The following IQGAP2 variants were observed in gnomAD, a reference collection of about 807,000 sequenced individuals.
The protein encoded by IQGAP2 is IQ motif containing GTPase activating protein 2.
In IQGAP2, 173 loss-of-function variants were observed where a neutral mutation model predicts 201.3. That is an observed-to-expected ratio of 0.86 (90% CI 0.76 to 0.98). The LOEUF is 0.98. IQGAP2 is among the 50% of genes least tolerant of loss of function. The pLI, the probability that IQGAP2 is intolerant of heterozygous loss-of-function variation, is 0.00. For missense variants in IQGAP2, 1,687 were observed against 1,864.8 expected (o/e 0.90, Z 1.76); for synonymous variants, 675 against 673.9 (o/e 1.00, Z -0.03).
intron 32 of IQGAP2, among the ~76,000 whole-genome samples, chr5:76,696,329 T>A (rs1746742249): frequency 6.6e-6 from 1 of 152,206 alleles, no homozygotes; most frequent in Non-Finnish European, 1.5e-5. Flanking sequence ...TGATCATTTG[T>A]TTTTAAGCAA....
chr5:76,451,349 T>A (rs1175533106), intron 1 of IQGAP2, among the ~76,000 whole-genome samples: 1 of 152,152 alleles, frequency 6.6e-6, no homozygotes, highest in African/African-American at 2.4e-5. Context: ...CTAATTTGGA[T>A]TTCATGTCAC....
chr5:76,463,123 T>TA (rs5868826), intron 2 of IQGAP2, among the ~76,000 whole-genome samples: 42,111 of 105,392 alleles, frequency 0.4, 8,533 homozygotes, highest in Middle Eastern at 0.47. Flanking sequence ...ACGCTGTCTT[T>TA]AAAAAAAAAA....
intron 1 of IQGAP2, among the ~76,000 whole-genome samples, chr5:76,437,399 T>C (rs1488340808): frequency 6.6e-6 from 1 of 152,154 alleles, no homozygotes; most frequent in Admixed American, 6.6e-5. Context: ...AGTTCTGGGA[T>C]ATATGTGTGG....
rs570454198 is a variant in IQGAP2, at chr5:76,541,278, G to C, written c.147-21118G>C. On this transcript the variant is annotated intron_variant, in intron 2 of 35. Coordinates refer to ENST00000274364, the MANE Select transcript of IQGAP2 (RefSeq NM_006633.5). ...GATACCTCATATAAGTGGAATCATAGAATATGTGTCCTTTGGTGCCCATCT... is the reference window on the plus strand; with the variant it reads ...GATACCTCATATAAGTGGAATCATACAATATGTGTCCTTTGGTGCCCATCT... Among the ~76,000 whole-genome samples, 62 of 152,114 alleles carry C rather than the reference G, an allele frequency of 4.1e-4. 1 individual carries two copies. Among genetic ancestry groups the C allele is most frequent in the African/African-American group, 1.5e-3 (62 of 41,468 alleles).
chr5:76,664,112 G>A (rs572657534), intron 21 of IQGAP2, among the ~76,000 whole-genome samples: 36 of 152,254 alleles, frequency 2.4e-4, no homozygotes, highest in African/African-American at 7.7e-4. Flanking sequence ...CTAGCATTAC[G>A]CCTGTCCTAG....
At chr5:76,596,437 A>G (rs1375788003) in intron 9 of IQGAP2, among the ~76,000 whole-genome samples, 1 of 152,230 alleles carries the variant, frequency 6.6e-6, no homozygotes, top group Non-Finnish European at 1.5e-5. Context: ...TACTGTTCCA[A>G]GCATCTCAGT....
chr5:76,688,994 G>A (rs796254004), intron 30 of IQGAP2, among the ~76,000 whole-genome samples: 2 of 152,076 alleles, frequency 1.3e-5, no homozygotes, highest in African/African-American at 2.4e-5. Flanking sequence ...TCGAGGGCAA[G>A]GTCATTGTTC....
At chr5:76,546,620 T>C (rs983035043) in intron 2 of IQGAP2, among the ~76,000 whole-genome samples, 5 of 152,178 alleles carry the variant, frequency 3.3e-5, no homozygotes, top group African/African-American at 1.2e-4. Flanking sequence ...TGTTCCTCTG[T>C]CACGCCTGGC....
In IQGAP2 at chr5:76,618,019, T is replaced by G. The variant is rs143031972; in HGVS notation, c.1521+6836T>G. ...ACAAGATAATATTCCTGCTTCAGTA[T>G]GAAAAATGGCAGCATATATAAGAAA... On this transcript the variant is annotated intron_variant, in intron 13 of 35. Transcript: ENST00000274364. The G allele has an allele frequency of 5.4e-4, 875 of 1,614,150 alleles. 6 individuals carry two copies. The African/African-American group carries it at 0.011, about 19-fold the overall frequency.
chr5:76,613,847 A>C (rs1479167816), intron 13 of IQGAP2, among the ~76,000 whole-genome samples: 1 of 152,134 alleles, frequency 6.6e-6, no homozygotes, highest in Non-Finnish European at 1.5e-5. Context: ...GGCACCTGCC[A>C]TCAAGCCCGG....
At chr5:76,497,222 T>A (rs1757041727) in intron 2 of IQGAP2, among the ~76,000 whole-genome samples, 1 of 152,250 alleles carries the variant, frequency 6.6e-6, no homozygotes, top group Non-Finnish European at 1.5e-5. Context: ...CACTTTGTGC[T>A]GCCTGATATT....
intron 1 of IQGAP2, among the ~76,000 whole-genome samples, chr5:76,433,373 A>G (rs534995897): frequency 2.6e-5 from 4 of 152,122 alleles, no homozygotes; most frequent in African/African-American, 7.2e-5. Flanking sequence ...TGGTGGTGCT[A>G]TGTTCCTCTG....
chr5:76,669,426 A>G (rs546516068), intron 23 of IQGAP2, among the ~76,000 whole-genome samples: 123 of 152,324 alleles, frequency 8.1e-4, no homozygotes, highest in African/African-American at 2.7e-3. Flanking sequence ...CTGTAAGCCC[A>G]CGAGACATGT....
chr5:76,640,308 G>A (rs79333188), intron 16 of IQGAP2, among the ~76,000 whole-genome samples: 2,638 of 151,924 alleles, frequency 0.017, 82 homozygotes, highest in African/African-American at 0.059. Flanking sequence ...ATCTCTCATC[G>A]GGCATAAAAG....
chr5:76,502,904 T>A (rs997135486), intron 2 of IQGAP2, among the ~76,000 whole-genome samples: 10 of 151,048 alleles, frequency 6.6e-5, no homozygotes, highest in Non-Finnish European at 1.2e-4. Flanking sequence ...GCTGGCTATT[T>A]TTTTTTTTTT....
At chr5:76,477,551 A>G (rs1381362806) in intron 2 of IQGAP2, among the ~76,000 whole-genome samples, 2 of 152,230 alleles carry the variant, frequency 1.3e-5, no homozygotes, top group Non-Finnish European at 2.9e-5. Context: ...AGTATAGCGC[A>G]TACAAATGTG....
At chr5:76,642,414 G>A (rs1751660157) in intron 17 of IQGAP2, among the ~76,000 whole-genome samples, 1 of 152,170 alleles carries the variant, frequency 6.6e-6, no homozygotes, top group Admixed American at 6.5e-5. Flanking sequence ...AGAGGCAAAA[G>A]AATTGACGAA....
At chr5:76,449,391 C>G (rs182756693) in intron 1 of IQGAP2, among the ~76,000 whole-genome samples, 157 of 152,208 alleles carry the variant, frequency 1.0e-3, no homozygotes, top group Non-Finnish European at 2.0e-3. Context: ...TCCAAAGGAG[C>G]TTTATAACTT....
At chr5:76,686,060 A>G (rs551846253) in intron 30 of IQGAP2, among the ~76,000 whole-genome samples, 1 of 152,278 alleles carries the variant, frequency 6.6e-6, no homozygotes, top group Non-Finnish European at 1.5e-5. Context: ...AGTAATGTTG[A>G]GGATCCTTCC....
Sources: gnomAD v4.1 joint callset for allele counts (sites outside exome capture counted in the v4.1 genomes callset) on GRCh38, gnomAD v4.1.1 for gene constraint, MANE v1.5 for transcripts, NCBI Gene and HGNC (gene_info 2026-07-23, HGNC 2026-07-21) for gene names.